Variants in PLXNA4 observed in about 807,000 individuals in gnomAD.
PLXNA4 encodes the protein plexin A4, also known as plexin-A4.
In PLXNA4, 44 loss-of-function variants were observed where a neutral mutation model predicts 191.8. The observed-to-expected ratio is 0.23, with a 90% CI of 0.18 to 0.29. PLXNA4 has a LOEUF of 0.29. Among genes scored for constraint, PLXNA4 ranks in the 10% least tolerant of loss-of-function variants. PLXNA4 has a pLI of 1.00. For synonymous variants in PLXNA4, 1,082 were observed against 1,009.5 expected, an observed-to-expected ratio of 1.07 and a Z score of -1.36; for missense variants, 1,800 against 2,488.8, an observed-to-expected ratio of 0.72 and a Z score of 5.89.
rs756544431 is a variant in PLXNA4, at chr7:132,202,729, G to T, written c.2503C>A (p.Arg835Ser). 6.2e-7 allele frequency: 1 copy of T among 1,609,268 alleles called. No individual in the cohort carries two copies. The highest frequency in any genetic ancestry group is 1.3e-5 in the African/African-American group (1 of 74,916). ...WCQGPGQCTLRQHCPAQESQW... is the reference protein window; with the variant it reads ...WCQGPGQCTLSQHCPAQESQW... Reference sequence around the variant, plus strand: ...CTCTCCTGGGCAGGGCAGTGCTGGCGCAGGGTGCACTGGCCTGGGCCCTGG... The same window carrying T: ...CTCTCCTGGGCAGGGCAGTGCTGGCTCAGGGTGCACTGGCCTGGGCCCTGG... Residue 835 changes from arginine (R) to serine (S), a missense_variant, in exon 12 of 32, where the codon CGC becomes AGC. Arg to Ser is a moderately radical substitution (Grantham distance 110). Transcript: ENST00000321063.
At chr7:132,462,836 A>ATTTTTTTTT (rs57607720) in intron 3 of PLXNA4, among the ~76,000 whole-genome samples, 2 of 88,948 alleles carry the variant, frequency 2.2e-5, no homozygotes, top group African/African-American at 4.6e-5. Flanking sequence ...CATTTCTATA[A>ATTTTTTTTT]TTTTTTTTTT....
chr7:132,631,764 G>A (rs2116879476), intron 2 of PLXNA4, among the ~76,000 whole-genome samples: 1 of 152,248 alleles, frequency 6.6e-6, no homozygotes, highest in Non-Finnish European at 1.5e-5. Flanking sequence ...TTAAATCTAT[G>A]CTACATGTCC....
chr7:132,562,989 C>CT (rs1801349665), intron 1 of PLXNA4, among the ~76,000 whole-genome samples: 1 of 68,758 alleles, frequency 1.5e-5, no homozygotes, highest in Non-Finnish European at 2.7e-5. Flanking sequence ...CCTCCTTCTC[C>CT]TCCTCCTCCT....
chr7:132,258,491 G>T (rs1041385639), intron 4 of PLXNA4, among the ~76,000 whole-genome samples: 4 of 152,260 alleles, frequency 2.6e-5, no homozygotes, highest in African/African-American at 9.6e-5. Flanking sequence ...TCAAGGAGCA[G>T]AAGTGAAAGT....
intron 5 of PLXNA4, among the ~76,000 whole-genome samples, chr7:132,239,956 T>C (rs1393098415): frequency 6.6e-6 from 1 of 152,218 alleles, no homozygotes; most frequent in Non-Finnish European, 1.5e-5. Flanking sequence ...TCACTATGCC[T>C]GAGACTGCCA....
chr7:132,286,748 A>G (rs749171581), intron 4 of PLXNA4, among the ~76,000 whole-genome samples: 2 of 152,194 alleles, frequency 1.3e-5, no homozygotes, highest in Non-Finnish European at 2.9e-5. Context: ...GTTGGACTCA[A>G]ATGGATTCAG....
intron 1 of PLXNA4, among the ~76,000 whole-genome samples, chr7:132,556,192 G>A (rs1800793588): frequency 6.6e-6 from 1 of 152,226 alleles, no homozygotes; most frequent in African/African-American, 2.4e-5. Context: ...CTCACTTCCT[G>A]ACACTTGCAG....
chr7:132,524,997 C>T (rs2116392214), intron 1 of PLXNA4, among the ~76,000 whole-genome samples: 1 of 152,298 alleles, frequency 6.6e-6, no homozygotes, highest in East Asian at 1.9e-4. Flanking sequence ...TGTCATGGTG[C>T]AACCATCACT....
chr7:132,381,803 G>A lies in PLXNA4; in HGVS notation c.1372-83581C>T, dbSNP rs74438848. ...TTTAATGGAGAGCGCCAGGAGCCCC[G>A]AGCAGGGTCCAGACAAAGCCAGGTG... is the stretch of plus-strand genomic sequence containing the variant. On this transcript the variant is annotated intron_variant, in intron 3 of 31. Transcript: ENST00000321063. Among the ~76,000 whole-genome samples the A allele has an allele frequency of 5.9e-3, 899 of 152,278 alleles. 7 individuals are homozygous for A. Among genetic ancestry groups the A allele is most frequent in the African/African-American group, 0.021 (876 of 41,550 alleles).
At chr7:132,177,089 G>A (rs900273089) in intron 20 of PLXNA4, among the ~76,000 whole-genome samples, 8 of 152,036 alleles carry the variant, frequency 5.3e-5, no homozygotes, top group African/African-American at 1.9e-4. Context: ...GCACATGAGT[G>A]TATGTCAGTG....
intron 2 of PLXNA4, among the ~76,000 whole-genome samples, chr7:132,615,655 G>C (rs1803138537): frequency 1.3e-5 from 2 of 152,024 alleles, no homozygotes; most frequent in South Asian, 2.1e-4. Flanking sequence ...TCCCTTCTGC[G>C]GCCCATTGGA....
Position 132,386,905 on chromosome 7 carries a change from G to T in PLXNA4, c.1372-88683C>A, listed in dbSNP as rs181438983. Among the ~76,000 whole-genome samples the T allele has an allele frequency of 1.8e-3, 271 of 152,292 alleles. 1 individual carries two copies. The highest frequency in any genetic ancestry group is 6.2e-3 in the African/African-American group (258 of 41,550). On this transcript the variant is annotated intron_variant, in intron 3 of 31. Coordinates refer to ENST00000321063, the MANE Select transcript of PLXNA4 (RefSeq NM_020911.2). ...AGAGCTTCTCAAATTGTTTTGAAGGGCCATTCTGTAAAATTTCCCATCTAC... is the reference window on the plus strand; with the variant it reads ...AGAGCTTCTCAAATTGTTTTGAAGGTCCATTCTGTAAAATTTCCCATCTAC...
At chr7:132,452,307 C>T (rs922714920) in intron 3 of PLXNA4, among the ~76,000 whole-genome samples, 19 of 152,198 alleles carry the variant, frequency 1.2e-4, no homozygotes, top group Admixed American at 3.3e-4. Context: ...AAAGGCCAGG[C>T]TTCTGCCTCC....
chr7:132,187,667 C>A, intron 14 of PLXNA4, 60 bp from the exon 15 acceptor site: 2 of 1,542,474 alleles, frequency 1.3e-6, no homozygotes, highest in Non-Finnish European at 1.7e-6. Flanking sequence ...GGCTTCTGGG[C>A]AGGCGTGAGG....
At chr7:132,362,414 A>T (rs1361769851) in intron 3 of PLXNA4, among the ~76,000 whole-genome samples, 1 of 152,254 alleles carries the variant, frequency 6.6e-6, no homozygotes, top group African/African-American at 2.4e-5. Flanking sequence ...CTTTCTATGC[A>T]TCTTCAAAAC....
At chr7:132,410,273 G>A (rs1485265156) in intron 3 of PLXNA4, among the ~76,000 whole-genome samples, 7 of 150,968 alleles carry the variant, frequency 4.6e-5, no homozygotes, top group Admixed American at 4.6e-4. Context: ...CTCTGAGCCA[G>A]CACTGTAGAA....
At chr7:132,430,361 G>T (rs572934975) in intron 3 of PLXNA4, among the ~76,000 whole-genome samples, 27 of 152,250 alleles carry the variant, frequency 1.8e-4, no homozygotes, top group African/African-American at 6.0e-4. Context: ...CTCAGGAAAT[G>T]CTGAGTGAAT....
intron 3 of PLXNA4, among the ~76,000 whole-genome samples, chr7:132,437,878 C>T (rs1321631060): frequency 6.6e-6 from 1 of 152,322 alleles, no homozygotes; most frequent in East Asian, 1.9e-4. Context: ...AAGTGGAAAA[C>T]ACTGTCTCCA....
At chr7:132,282,322 C>T (rs888315218) in intron 4 of PLXNA4, among the ~76,000 whole-genome samples, 2 of 152,102 alleles carry the variant, frequency 1.3e-5, no homozygotes, top group Admixed American at 1.3e-4. Flanking sequence ...CCTGCAATCC[C>T]AGCACTTTGG....
Sources: allele counts gnomAD v4.1 joint callset (sites outside exome capture counted in the v4.1 genomes callset), GRCh38; gene constraint gnomAD v4.1.1; transcripts MANE v1.5; gene names NCBI Gene and HGNC (gene_info 2026-07-23, HGNC 2026-07-21).